The following TMC1 variants were observed in gnomAD, a reference collection of about 807,000 sequenced individuals.
TMC1 encodes transmembrane channel-like protein 1.
TMC1 carries 84 observed loss-of-function variants against 105.8 expected under a neutral mutation model. That is an observed-to-expected ratio of 0.79 (90% confidence interval 0.67 to 0.95). The LOEUF is 0.95. TMC1 is among the 40% of genes least tolerant of loss of function. TMC1 has a pLI of 0.00. For synonymous variants in TMC1, 315 were observed against 311.5 expected, an observed-to-expected ratio of 1.01 and a Z score of -0.12; for missense variants, 817 against 914.1, an observed-to-expected ratio of 0.89 and a Z score of 1.37.
chr9:72,826,391 A>C (rs1274100211), intron 20 of TMC1, among the ~76,000 whole-genome samples: 2 of 152,150 alleles, frequency 1.3e-5, no homozygotes, highest in African/African-American at 4.8e-5. Context: ...TGATGAAGGA[A>C]GTCTGGTGGA....
intron 12 of TMC1, among the ~76,000 whole-genome samples, chr9:72,756,389 T>G (rs1013748902): frequency 6.6e-6 from 1 of 152,102 alleles, no homozygotes. Context: ...CGGGTCTGGG[T>G]TTTACAGAAG....
At position 72,836,699 on chromosome 9, in the gene TMC1, T is replaced by C. The variant is rs1554731562; in HGVS notation, c.*726T>C. On this transcript the variant is annotated 3_prime_UTR_variant, in exon 24 of 24. Transcript: ENST00000297784. The stretch of plus-strand genomic sequence containing the variant: ...AACCTAGCTTTTTATGAGATAAAAT[T>C]AAAAAAAAAAGGAAAGACATCATAA... 6.8e-6 allele frequency: 1 copy of C among 147,446 alleles called. No homozygotes were observed. Among genetic ancestry groups the C allele is most frequent in the Non-Finnish European group, 1.5e-5 (1 of 66,518 alleles). The allele number at this position is 147,446 out of a possible 1,614,324, so 9.1% of individuals were successfully genotyped here.
chr9:72,618,215 G>A (rs1360858954), intron 3 of TMC1, among the ~76,000 whole-genome samples: 1 of 151,658 alleles, frequency 6.6e-6, no homozygotes, highest in African/African-American at 2.4e-5. Context: ...TTTTAGTGGA[G>A]ACTGGGTTTC....
intron 1 of TMC1, among the ~76,000 whole-genome samples, chr9:72,565,710 C>T (rs1014138441): frequency 6.6e-6 from 1 of 152,092 alleles, no homozygotes; most frequent in African/African-American, 2.4e-5. Context: ...GGAGGCCTCA[C>T]AATCATGGTG....
At chr9:72,522,983 G>C (rs1823341432) in intron 1 of TMC1, among the ~76,000 whole-genome samples, 1 of 152,170 alleles carries the variant, frequency 6.6e-6, no homozygotes. Flanking sequence ...TTCCCCAGAA[G>C]TGACAATTAA....
intron 23 of TMC1, among the ~76,000 whole-genome samples, chr9:72,833,995 A>G (rs1322833318): frequency 6.1e-5 from 9 of 146,460 alleles, no homozygotes; most frequent in African/African-American, 2.2e-4. Context: ...AATTTTCTTG[A>G]ATTGTTTACA....
chr9:72,690,695 T>C (rs1255523110), intron 6 of TMC1, among the ~76,000 whole-genome samples: 1 of 152,158 alleles, frequency 6.6e-6, no homozygotes, highest in African/African-American at 2.4e-5. Context: ...ATGATAGTCT[T>C]ATGAAGGTTT....
chr9:72,719,083 T>C (rs1323708020), intron 8 of TMC1, among the ~76,000 whole-genome samples: 1 of 152,168 alleles, frequency 6.6e-6, no homozygotes, highest in Non-Finnish European at 1.5e-5. Flanking sequence ...TTTCAGGCAG[T>C]GGGCAAGTAG....
intron 1 of TMC1, among the ~76,000 whole-genome samples, chr9:72,549,154 T>C (rs1357483821): frequency 6.6e-6 from 1 of 152,244 alleles, no homozygotes; most frequent in African/African-American, 2.4e-5. Flanking sequence ...TTACTACAAG[T>C]GCTTGCAAGA....
chr9:72,702,560 A>T (rs974348815), intron 8 of TMC1, among the ~76,000 whole-genome samples: 7 of 152,148 alleles, frequency 4.6e-5, no homozygotes, highest in African/African-American at 1.7e-4. Context: ...TTCATCTCAG[A>T]ACAGACTTGA....
At chr9:72,556,592 G>A (rs181655606) in intron 1 of TMC1, among the ~76,000 whole-genome samples, 13 of 151,802 alleles carry the variant, frequency 8.6e-5, no homozygotes, top group African/African-American at 3.1e-4. Flanking sequence ...GCCGAGACGG[G>A]TGGATCACTT....
chr9:72,747,577 GGTT>G (rs1018446555), intron 10 of TMC1, among the ~76,000 whole-genome samples: 7 of 151,864 alleles, frequency 4.6e-5, no homozygotes, highest in African/African-American at 7.3e-5. Flanking sequence ...TCTGTTTTTT[GGTT>G]GTTGTTGTTG....
At chr9:72,610,548 GA>G (rs1205651361) in intron 2 of TMC1, among the ~76,000 whole-genome samples, 1 of 152,204 alleles carries the variant, frequency 6.6e-6, no homozygotes, top group African/African-American at 2.4e-5. Flanking sequence ...TAGTGAGACA[GA>G]AGGAATTCTC....
chr9:72,643,557 CTT>C (rs1253913385), intron 4 of TMC1, among the ~76,000 whole-genome samples: 1 of 151,938 alleles, frequency 6.6e-6, no homozygotes, highest in Non-Finnish European at 1.5e-5. Context: ...AGCATGTGCT[CTT>C]TTTTTTGTCT....
intron 8 of TMC1, among the ~76,000 whole-genome samples, chr9:72,705,860 T>C (rs1377240429): frequency 6.6e-6 from 1 of 152,206 alleles, no homozygotes; most frequent in East Asian, 1.9e-4. Flanking sequence ...AGCTTTGTAG[T>C]ACCCTGACCT....
At chr9:72,821,482 A>G (rs1195511665) in intron 20 of TMC1, among the ~76,000 whole-genome samples, 3 of 151,480 alleles carry the variant, frequency 2.0e-5, no homozygotes, top group Non-Finnish European at 4.4e-5. Context: ...AGCCTGGAGG[A>G]CAAGAGCAAA....
Position 72,585,397 on chromosome 9 carries a change from G to A in TMC1, c.-306+7374G>A, listed in dbSNP as rs191053983. Reference sequence around the variant, plus strand: ...AATCTCCTGACCTCGTGATCTGCCCGCCTCAGCCTCCCAAAGTGCTGGGAT... The same window carrying A: ...AATCTCCTGACCTCGTGATCTGCCCACCTCAGCCTCCCAAAGTGCTGGGAT... On this transcript the variant is annotated intron_variant, in intron 2 of 23. Transcript: ENST00000297784. Among the ~76,000 whole-genome samples, 1,175 of 149,986 alleles carry A rather than the reference G, an allele frequency of 7.8e-3. 11 individuals carry two copies. The highest frequency in any genetic ancestry group is 0.019 in the African/African-American group (793 of 40,740).
intron 10 of TMC1, among the ~76,000 whole-genome samples, chr9:72,748,561 A>G (rs1452274974): frequency 2.0e-5 from 3 of 152,182 alleles, no homozygotes; most frequent in Admixed American, 6.5e-5. Context: ...GCTTCCTTAC[A>G]CTGAGAGATT....
chr9:72,791,204 C>T (rs188783422), intron 15 of TMC1, among the ~76,000 whole-genome samples: 3 of 151,986 alleles, frequency 2.0e-5, no homozygotes, highest in Admixed American at 2.0e-4. Flanking sequence ...TCTCTCCCCC[C>T]TCTCCCCACC....
Sources: gnomAD v4.1 joint callset for allele counts (sites outside exome capture counted in the v4.1 genomes callset) on GRCh38, gnomAD v4.1.1 for gene constraint, MANE v1.5 for transcripts, NCBI Gene and HGNC (gene_info 2026-07-23, HGNC 2026-07-21) for gene names.